The following PNLIPRP1 variants were observed in gnomAD, a reference collection of about 807,000 sequenced individuals.
PNLIPRP1 encodes inactive pancreatic lipase-related protein 1.
A neutral mutation model predicts 54.6 loss-of-function variants in PNLIPRP1; 57 were observed. The ratio of observed to expected loss-of-function variants is 1.04; its 90% confidence interval spans 0.84 to 1.30. The LOEUF is 1.30. Ranked by LOEUF, PNLIPRP1 falls within the 50% of genes most tolerant of loss-of-function variation. The pLI, the probability that PNLIPRP1 is intolerant of heterozygous loss-of-function variation, is 0.00. For synonymous variants in PNLIPRP1, 232 were observed against 208.8 expected, an observed-to-expected ratio of 1.11 and a Z score of -0.96; for missense variants, 567 against 568.5, an observed-to-expected ratio of 1.00 and a Z score of 0.03.
rs888853661 is a variant in PNLIPRP1 at position 116,601,338 on chromosome 10, T to C, written c.1063+137T>C. ...GAAATGGACACATTTACCGAAACTA[T>C]TGCAGTTACAAGTAAACTGAGGATT... On this transcript the variant is annotated intron_variant, in intron 10 of 12. Coordinates refer to ENST00000358834, the MANE Select transcript of PNLIPRP1 (RefSeq NM_006229.4). 13 of 788,304 alleles carry C rather than the reference T, an allele frequency of 1.6e-5. No homozygotes were observed. The Admixed American group carries it at 2.0e-4, about 12-fold the overall frequency. The allele number at this position is 788,304 out of a possible 1,614,324, so 48.8% of individuals were successfully genotyped here.
Position 116,605,404 on chromosome 10 carries a change from C to T in PNLIPRP1, c.1191C>T (p.Gly397=). 1 of 1,598,998 alleles carries T rather than the reference C, an allele frequency of 6.3e-7. No individual in the cohort carries two copies. The highest frequency in any genetic ancestry group is 2.3e-5 in the East Asian group (1 of 44,442). ...TTTCAAGGGGGATTCTCAAACCAGG[C>T]TCAACCCATTCCTATGAGTTTGATG... ...YSIFRGILKP[G]STHSYEFDAK... is the part of the protein sequence containing the mutation. Residue 397 remains glycine (G), a synonymous_variant, in exon 12 of 13, where the codon GGC becomes GGT. Coordinates refer to ENST00000358834, the MANE Select transcript of PNLIPRP1 (RefSeq NM_006229.4).
At position 116,609,120 on chromosome 10, in the gene PNLIPRP1, C is replaced by G. The variant is rs781841820; in HGVS notation, c.*4C>G. 1.2e-6 allele frequency: 2 copies of G among 1,603,162 alleles called. No individual in the cohort carries two copies. Among genetic ancestry groups the G allele is most frequent in the Non-Finnish European group, 1.7e-6 (2 of 1,172,930 alleles). ...GCTCACCCTCACGCCCTGCTAAGCT[C>G]CCGGGGCGACGAGGCTGCTGCGTTC... is the stretch of plus-strand genomic sequence containing the variant. On this transcript the variant is annotated 3_prime_UTR_variant, in exon 13 of 13. Coordinates refer to ENST00000358834, the MANE Select transcript of PNLIPRP1 (RefSeq NM_006229.4).
At chr10:116,596,125 T>A in intron 5 of PNLIPRP1, 89 bp from the exon 6 acceptor site, 1 of 861,622 alleles carries the variant, frequency 1.2e-6, no homozygotes, top group Non-Finnish European at 1.9e-6. Context: ...GCATGGAAGG[T>A]TTTCAGCAGA....
chr10:116,598,475 T>C (rs1483181174), intron 8 of PNLIPRP1, among the ~76,000 whole-genome samples: 2 of 152,190 alleles, frequency 1.3e-5, no homozygotes, highest in Admixed American at 6.5e-5. Flanking sequence ...AGAAAGGAAA[T>C]ACCATAAGAG....
rs955189335 is a variant in PNLIPRP1 at position 116,603,117 on chromosome 10, G to A, written c.1064-913G>A. ...TATTTGTATTTGTGTGCGTGTGCATGCAGGCCCTGGGACAGCATTTCAGGT... is the reference window on the plus strand; with the variant it reads ...TATTTGTATTTGTGTGCGTGTGCATACAGGCCCTGGGACAGCATTTCAGGT... On this transcript the variant is annotated intron_variant, in intron 10 of 12. Coordinates refer to ENST00000358834, the MANE Select transcript of PNLIPRP1 (RefSeq NM_006229.4). 1.1e-4 allele frequency among the ~76,000 whole-genome samples: 16 copies of A among 152,322 alleles called. 1 individual carries two copies. The South Asian group carries it at 3.3e-3, about 32-fold the overall frequency.
At chr10:116,603,236 G>A (rs913361143) in intron 10 of PNLIPRP1, among the ~76,000 whole-genome samples, 5 of 152,106 alleles carry the variant, frequency 3.3e-5, no homozygotes, top group Admixed American at 1.3e-4. Context: ...CCCCGCCCTC[G>A]AGGTGCTTGC....
intron 10 of PNLIPRP1, among the ~76,000 whole-genome samples, chr10:116,602,911 G>A (rs911168853): frequency 6.6e-6 from 1 of 151,112 alleles, no homozygotes; most frequent in African/African-American, 2.4e-5. Context: ...GTGTGTGTGT[G>A]CACATACACA....
chr10:116,604,391 T>G (rs560064987), intron 11 of PNLIPRP1, among the ~76,000 whole-genome samples: 1 of 152,340 alleles, frequency 6.6e-6, no homozygotes, highest in South Asian at 2.1e-4. Flanking sequence ...TGTGTTCCAG[T>G]TGTCTACAGA....
At chr10:116,601,719 G>A (rs1336489051) in intron 10 of PNLIPRP1, among the ~76,000 whole-genome samples, 1 of 152,166 alleles carries the variant, frequency 6.6e-6, no homozygotes, top group African/African-American at 2.4e-5. Flanking sequence ...TCCAAAACCT[G>A]CTGAATGGAC....
At chr10:116,605,269 G>A (rs1325569509) in intron 11 of PNLIPRP1, 117 bp from the exon 12 acceptor site, 1 of 575,748 alleles carries the variant, frequency 1.7e-6, no homozygotes, top group Non-Finnish European at 2.9e-6. Context: ...CCTTTATTTG[G>A]AAATTAATTC....
intron 10 of PNLIPRP1, among the ~76,000 whole-genome samples, chr10:116,603,791 G>A (rs2133240082): frequency 6.6e-6 from 1 of 152,300 alleles, no homozygotes; most frequent in South Asian, 2.1e-4. Flanking sequence ...TACTAGGGAG[G>A]TTGAGGCAGA....
chr10:116,607,220 C>T lies in PNLIPRP1; in HGVS notation c.1340+1667C>T, dbSNP rs113350238. ...GCAGCCCTCCCCCTCTTTATTTCTCCGTCCCCCTCTCTTTATTAAGTACCT... is the reference window on the plus strand; with the variant it reads ...GCAGCCCTCCCCCTCTTTATTTCTCTGTCCCCCTCTCTTTATTAAGTACCT... On this transcript the variant is annotated intron_variant, in intron 12 of 12. Coordinates refer to ENST00000358834, the MANE Select transcript of PNLIPRP1 (RefSeq NM_006229.4). 1.0e-3 allele frequency among the ~76,000 whole-genome samples: 156 copies of T among 151,418 alleles called. 1 individual carries two copies. The highest frequency in any genetic ancestry group is 3.4e-3 in the African/African-American group (140 of 41,218).
intron 4 of PNLIPRP1, 155 bp from the exon 5 acceptor site, chr10:116,594,575 A>G: frequency 6.4e-6 from 5 of 785,368 alleles, no homozygotes; most frequent in Non-Finnish European, 1.1e-5. Flanking sequence ...ACCCTGAAGG[A>G]TAACTCCTAA....
rs1554864159 is a variant in PNLIPRP1, at chr10:116,597,889, T to C, written c.636T>C (p.Ser212=). Residue 212 remains serine (S), a synonymous_variant, in exon 7 of 13, where the codon TCT becomes TCC. Coordinates refer to ENST00000358834, the MANE Select transcript of PNLIPRP1 (RefSeq NM_006229.4). The part of the protein sequence containing the change: ...STPEEVRLDP[S]DADFVDVIHT... ...CTGAAGAGGTGCGACTTGATCCCTC[T>C]GATGCTGACTTTGTTGATGTGATTC... The C allele has an allele frequency of 6.2e-7, 1 of 1,614,250 alleles. No individual in the cohort carries two copies. The highest frequency in any genetic ancestry group is 1.1e-5 in the South Asian group (1 of 91,086).
intron 10 of PNLIPRP1, among the ~76,000 whole-genome samples, chr10:116,603,029 A>G (rs1237052417): frequency 6.6e-6 from 1 of 152,114 alleles, no homozygotes; most frequent in Admixed American, 6.5e-5. Flanking sequence ...GTGTGTGCAC[A>G]TGCATATGTT....
intron 10 of PNLIPRP1, among the ~76,000 whole-genome samples, chr10:116,602,924 C>A (rs1259027737): frequency 8.4e-6 from 1 of 119,704 alleles, no homozygotes; most frequent in Non-Finnish European, 1.7e-5. Flanking sequence ...CATACACATG[C>A]ATGTTTGTGT....
At chr10:116,594,047 T>C (rs1176764219) in intron 4 of PNLIPRP1, 1 of 243,610 alleles carries the variant, frequency 4.1e-6, no homozygotes, top group Non-Finnish European at 8.1e-6. Context: ...TGATCACACA[T>C]ATTAGTATAC....
At chr10:116,591,092 T>A (rs1589567556) in intron 1 of PNLIPRP1, 38 bp from the exon 2 acceptor site, 1 of 1,579,742 alleles carries the variant, frequency 6.3e-7, no homozygotes, top group African/African-American at 1.3e-5. Flanking sequence ...GCTCTGGCAA[T>A]GCCCGGTGAG....
intron 8 of PNLIPRP1, 48 bp downstream of exon 8, chr10:116,598,214 G>C: frequency 6.5e-7 from 1 of 1,539,020 alleles, no homozygotes; most frequent in East Asian, 2.3e-5. Context: ...CTTTCCTGGA[G>C]TGACCAATAC....
Sources: allele counts gnomAD v4.1 joint callset (sites outside exome capture counted in the v4.1 genomes callset), GRCh38; gene constraint gnomAD v4.1.1; transcripts MANE v1.5; gene names NCBI Gene and HGNC (gene_info 2026-07-23, HGNC 2026-07-21).